Variants in RSU1 observed in about 807,000 individuals in gnomAD.
RSU1 encodes rsu-1.
A neutral mutation model predicts 31.1 loss-of-function variants in RSU1; 26 were observed. The observed-to-expected ratio is 0.84, with a 90% CI of 0.61 to 1.16. The LOEUF is 1.16. RSU1 is among the 50% of genes most tolerant of loss of function. The pLI is 0.00. For synonymous variants in RSU1, 164 were observed against 136.3 expected, an observed-to-expected ratio of 1.20 and a Z score of -1.41; for missense variants, 320 against 339.1, an observed-to-expected ratio of 0.94 and a Z score of 0.44.
intron 6 of RSU1, 81 bp from the exon 7 acceptor site, chr10:16,752,734 C>A (rs1837004659): frequency 3.5e-6 from 4 of 1,134,262 alleles, no homozygotes; most frequent in Admixed American, 3.7e-5. Flanking sequence ...TATGTCCTCT[C>A]TTCTACTAAA....
chr10:16,665,782 T>C (rs926078084), intron 8 of RSU1, among the ~76,000 whole-genome samples: 3 of 152,202 alleles, frequency 2.0e-5, no homozygotes, highest in African/African-American at 7.2e-5. Context: ...CTGAAGATAT[T>C]CCACGGATCA....
chr10:16,757,376 C>T (rs1837118176), intron 4 of RSU1, among the ~76,000 whole-genome samples: 1 of 152,154 alleles, frequency 6.6e-6, no homozygotes, highest in South Asian at 2.1e-4. Context: ...GAGGGCCTCA[C>T]CAGAAACAGC....
intron 8 of RSU1, among the ~76,000 whole-genome samples, chr10:16,613,418 G>A (rs187635359): frequency 3.5e-4 from 53 of 152,246 alleles, no homozygotes; most frequent in South Asian, 8.3e-4. Context: ...GCCAAGAGTC[G>A]GCACCTTGTT....
chr10:16,695,163 G>GT lies in RSU1; in HGVS notation c.599-9_599-8insA, dbSNP rs773085225. ...CAGTTAAATCCAAGTTTCCTGGGGG[G>GT]GGGGAAAAAAAAAGTGAAGGTCACT... is the stretch of plus-strand genomic sequence containing the variant. On this transcript the variant is annotated splice_polypyrimidine_tract_variant and intron_variant, in intron 7 of 8. Transcript: ENST00000345264. The GT allele has an allele frequency of 6.8e-7, 1 of 1,472,936 alleles. No individual in the cohort carries two copies. The highest frequency in any genetic ancestry group is 9.1e-7 in the Non-Finnish European group (1 of 1,095,044). 91.2% of individuals were successfully genotyped at this position (1,472,936 alleles called of 1,614,324 possible).
At chr10:16,722,702 T>G (rs1227191596) in intron 7 of RSU1, among the ~76,000 whole-genome samples, 1 of 152,024 alleles carries the variant, frequency 6.6e-6, no homozygotes, top group African/African-American at 2.4e-5. Flanking sequence ...CAATAGAGGT[T>G]AGAGAAAAGC....
chr10:16,641,508 A>AAATT (rs1834442119), intron 8 of RSU1, among the ~76,000 whole-genome samples: 2 of 151,462 alleles, frequency 1.3e-5, no homozygotes, highest in Non-Finnish European at 2.9e-5. Flanking sequence ...AAAAAAAAAA[A>AAATT]TTAAAAAGGT....
intron 8 of RSU1, among the ~76,000 whole-genome samples, chr10:16,627,954 C>T (rs1402774529): frequency 6.6e-6 from 1 of 152,066 alleles, no homozygotes; most frequent in African/African-American, 2.4e-5. Context: ...TCTGCTTCTC[C>T]AGCTCCTCCA....
chr10:16,669,194 G>A (rs180693238), intron 8 of RSU1, among the ~76,000 whole-genome samples: 8 of 151,752 alleles, frequency 5.3e-5, no homozygotes, highest in South Asian at 2.1e-4. Context: ...ACCTACAAAC[G>A]TGCAACTCCT....
chr10:16,622,011 T>G (rs1245259773), intron 8 of RSU1, among the ~76,000 whole-genome samples: 1 of 152,214 alleles, frequency 6.6e-6, no homozygotes, highest in African/African-American at 2.4e-5. Flanking sequence ...CTTGAGGGAA[T>G]GGATACTCCA....
rs1411915652 is a variant in RSU1, at chr10:16,650,156, C to G, written c.731+44867G>C. Among the ~76,000 whole-genome samples, 3 of 152,176 alleles carry G rather than the reference C, an allele frequency of 2.0e-5. No individual in the cohort carries two copies. In the East Asian group the frequency reaches 5.8e-4, roughly 29 times the overall value. The stretch of plus-strand genomic sequence containing the variant: ...AGAAAGCTAAATTAAAAGATGCAGG[C>G]ATGTCCATTCTGTAAAAGCTGAGAC... On this transcript the variant is annotated intron_variant, in intron 8 of 8. Coordinates refer to ENST00000345264, the MANE Select transcript of RSU1 (RefSeq NM_012425.4).
intron 8 of RSU1, among the ~76,000 whole-genome samples, chr10:16,648,484 A>C (rs1224487352): frequency 6.6e-6 from 1 of 152,152 alleles, no homozygotes; most frequent in Admixed American, 6.5e-5. Context: ...GTTTGCTACG[A>C]GCCTCCACAT....
At chr10:16,756,514 T>C (rs1262059930) in intron 4 of RSU1, among the ~76,000 whole-genome samples, 2 of 152,216 alleles carry the variant, frequency 1.3e-5, no homozygotes, top group South Asian at 4.1e-4. Flanking sequence ...ACCTTTAAGA[T>C]GATCCACTTC....
chr10:16,678,332 T>C (rs1835269813), intron 8 of RSU1, among the ~76,000 whole-genome samples: 1 of 152,212 alleles, frequency 6.6e-6, no homozygotes, highest in Non-Finnish European at 1.5e-5. Flanking sequence ...ATCTGACAGG[T>C]GTTATAAACA....
chr10:16,701,139 G>C lies in RSU1; in HGVS notation c.599-5984C>G, dbSNP rs1362118561. Among the ~76,000 whole-genome samples the C allele has an allele frequency of 5.3e-5, 8 of 152,302 alleles. No individual in the cohort carries two copies. In the East Asian group the frequency reaches 1.5e-3, roughly 29 times the overall value. On this transcript the variant is annotated intron_variant, in intron 7 of 8. Coordinates refer to ENST00000345264, the MANE Select transcript of RSU1 (RefSeq NM_012425.4). ...TAATTACCGATTTGGAGAATTCCAT[G>C]TTAACAGTATGGATTATTCTCATAA...
At chr10:16,598,387 T>TA (rs113857797) in intron 8 of RSU1, among the ~76,000 whole-genome samples, 9,286 of 143,118 alleles carry the variant, frequency 0.065, 755 homozygotes, top group African/African-American at 0.19. Flanking sequence ...AAAAGTAAAG[T>TA]AAAAAAAAAA....
intron 2 of RSU1, among the ~76,000 whole-genome samples, chr10:16,814,785 C>T (rs1291171290): frequency 3.3e-5 from 5 of 152,186 alleles, no homozygotes; most frequent in African/African-American, 1.2e-4. Flanking sequence ...AGAATGATCT[C>T]GCTTTTCACC....
At chr10:16,816,833 G>C in intron 2 of RSU1, 140 bp downstream of exon 2, 1 of 629,616 alleles carries the variant, frequency 1.6e-6, no homozygotes, top group Non-Finnish European at 2.9e-6. Context: ...CCCTCTGCGC[G>C]AAGCCCCTGA....
chr10:16,754,156 T>C (rs972392711), intron 5 of RSU1, among the ~76,000 whole-genome samples: 1 of 152,176 alleles, frequency 6.6e-6, no homozygotes, highest in Non-Finnish European at 1.5e-5. Context: ...ATTTTAGAGA[T>C]CAGCTCTGAA....
Position 16,653,339 on chromosome 10 carries a change from A to G in RSU1, c.731+41684T>C, listed in dbSNP as rs1253916173. Among the ~76,000 whole-genome samples, 4 of 152,234 alleles carry G rather than the reference A, an allele frequency of 2.6e-5. No individual in the cohort carries two copies. In the East Asian group the frequency reaches 7.7e-4, roughly 29 times the overall value. On this transcript the variant is annotated intron_variant, in intron 8 of 8. Transcript: ENST00000345264. ...ACAATTAGGAAAGAGCTAGGATACA[A>G]ATAGATCTCTAAAACTCCTACACAT...
Sources: gnomAD v4.1 joint callset for allele counts (sites outside exome capture counted in the v4.1 genomes callset) on GRCh38, gnomAD v4.1.1 for gene constraint, MANE v1.5 for transcripts, NCBI Gene and HGNC (gene_info 2026-07-23, HGNC 2026-07-21) for gene names.